Variants in MIPEP observed in about 807,000 individuals in gnomAD.
MIPEP encodes the protein mitochondrial intermediate peptidase.
A neutral mutation model predicts 90.3 loss-of-function variants in MIPEP; 79 were observed. The ratio of observed to expected loss-of-function variants is 0.87; its 90% CI spans 0.73 to 1.05. The LOEUF (loss-of-function observed/expected upper bound fraction) is 1.05, where lower values mean the gene tolerates loss of function less well. Among genes scored for constraint, MIPEP ranks in the 50% least tolerant of loss-of-function variants. MIPEP has a pLI of 0.00. For missense variants in MIPEP, 940 were observed against 905.6 expected (o/e 1.04, Z -0.49); for synonymous variants, 334 against 315.8 (o/e 1.06, Z -0.61).
intron 9 of MIPEP, among the ~76,000 whole-genome samples, chr13:23,861,038 A>G (rs1870280137): frequency 6.6e-6 from 1 of 152,084 alleles, no homozygotes; most frequent in African/African-American, 2.4e-5. Context: ...GGGCTCAAGA[A>G]TTTGCATTTC....
At chr13:23,777,304 G>T (rs1248786186) in intron 16 of MIPEP, among the ~76,000 whole-genome samples, 2 of 152,170 alleles carry the variant, frequency 1.3e-5, no homozygotes, top group Non-Finnish European at 1.5e-5. Context: ...TGTTGTTCCT[G>T]TCTTCATGAT....
At chr13:23,808,168 G>C (rs981345504) in intron 15 of MIPEP, among the ~76,000 whole-genome samples, 33 of 150,758 alleles carry the variant, frequency 2.2e-4, no homozygotes, top group African/African-American at 7.3e-4. Context: ...GCGCGATCTC[G>C]GCTCACTGCA....
chr13:23,734,235 CCCT>C (rs1952235568), intron 18 of MIPEP, among the ~76,000 whole-genome samples: 1 of 152,168 alleles, frequency 6.6e-6, no homozygotes, highest in South Asian at 2.1e-4. Flanking sequence ...AGCTTTGGCG[CCCT>C]CCTCCTCTGT....
At chr13:23,771,381 G>A (rs749841530) in intron 16 of MIPEP, among the ~76,000 whole-genome samples, 1 of 152,092 alleles carries the variant, frequency 6.6e-6, no homozygotes, top group Non-Finnish European at 1.5e-5. Flanking sequence ...AATGATAAAA[G>A]GAGCAAGAAT....
intron 16 of MIPEP, among the ~76,000 whole-genome samples, chr13:23,800,642 G>A (rs1349119652): frequency 6.6e-6 from 1 of 152,074 alleles, no homozygotes; most frequent in South Asian, 2.1e-4. Flanking sequence ...ATAAATTGCC[G>A]ACACTAGAAG....
At chr13:23,870,228 G>A in intron 5 of MIPEP, 33 bp from the exon 6 acceptor site, 3 of 1,402,442 alleles carry the variant, frequency 2.1e-6, no homozygotes, top group Non-Finnish European at 9.5e-7. Context: ...TTATTTAAAG[G>A]CGTTTTGAAT....
At chr13:23,782,529 C>T (rs112610735) in intron 16 of MIPEP, among the ~76,000 whole-genome samples, 9 of 152,274 alleles carry the variant, frequency 5.9e-5, no homozygotes, top group African/African-American at 2.2e-4. Context: ...GACACCCTAA[C>T]ATCACAATTA....
chr13:23,826,321 G>T (rs1868450081), intron 14 of MIPEP, among the ~76,000 whole-genome samples: 1 of 151,994 alleles, frequency 6.6e-6, no homozygotes, highest in Non-Finnish European at 1.5e-5. Context: ...CAATTAAAAG[G>T]TTGACTTACC....
chr13:23,730,251 CG>C lies in MIPEP; in HGVS notation c.*96del. 1 of 766,170 alleles carries C rather than the reference CG, an allele frequency of 1.3e-6. No individual in the cohort carries two copies. The highest frequency in any genetic ancestry group is 1.8e-5 in the South Asian group (1 of 56,670). The allele number at this position is 766,170 out of a possible 1,614,324, so 47.5% of individuals were successfully genotyped here. A position where few individuals can be genotyped will look rare whatever the true frequency, so the allele number is the denominator to read the frequency against. ...TTAAAGTTTTTCAGAATTACAGAAG[CG>C]AACAATGAAATCAGAAACAAGCTCT... On this transcript the variant is annotated 3_prime_UTR_variant, in exon 19 of 19. Transcript: ENST00000382172.
At chr13:23,807,485 G>A (rs1326686155) in intron 15 of MIPEP, among the ~76,000 whole-genome samples, 7 of 152,136 alleles carry the variant, frequency 4.6e-5, no homozygotes, top group Admixed American at 4.6e-4. Context: ...TCTGGCTTCT[G>A]GCTGCATCTA....
At position 23,858,570 on chromosome 13, in the gene MIPEP, T is replaced by C. The variant is rs984569993; in HGVS notation, c.1106+290A>G. On this transcript the variant is annotated intron_variant, in intron 10 of 18. Coordinates refer to ENST00000382172, the MANE Select transcript of MIPEP (RefSeq NM_005932.4). The stretch of plus-strand genomic sequence containing the variant: ...GTAAACACATGCTGAGCCCCTACTC[T>C]GGGCCAGCAATGGGATACAACAAGG... Among the ~76,000 whole-genome samples the C allele has an allele frequency of 2.6e-5, 4 of 151,522 alleles. No individual in the cohort carries two copies. The East Asian group carries it at 7.8e-4, about 29-fold the overall frequency.
intron 16 of MIPEP, among the ~76,000 whole-genome samples, chr13:23,801,839 T>G (rs1953046014): frequency 6.6e-6 from 1 of 152,224 alleles, no homozygotes; most frequent in Admixed American, 6.5e-5. Flanking sequence ...ATCACTTGGG[T>G]TCTTCCCGGA....
At chr13:23,874,177 G>A (rs1036908047) in intron 5 of MIPEP, among the ~76,000 whole-genome samples, 2 of 152,206 alleles carry the variant, frequency 1.3e-5, no homozygotes, top group African/African-American at 4.8e-5. Flanking sequence ...GGGGGAGACT[G>A]TGGGGCAGGC....
intron 16 of MIPEP, chr13:23,760,499 GA>G (rs750246848): frequency 3.3e-6 from 2 of 608,384 alleles, no homozygotes; most frequent in Admixed American, 1.9e-5. Flanking sequence ...AAGTAAAAGT[GA>G]AGCTCTTAGA....
intron 18 of MIPEP, among the ~76,000 whole-genome samples, chr13:23,751,924 T>TAA (rs5802250): frequency 5.4e-4 from 79 of 146,870 alleles, no homozygotes; most frequent in Middle Eastern, 3.5e-3. Context: ...GTTGCGACAT[T>TAA]AAAAAAAAAA....
intron 14 of MIPEP, among the ~76,000 whole-genome samples, chr13:23,823,212 GTGTGAGT>G (rs1953329932): frequency 6.6e-6 from 1 of 152,132 alleles, no homozygotes; most frequent in African/African-American, 2.4e-5. Context: ...GAAGGCTTGG[GTGTGAGT>G]TAGGCATCCT....
At chr13:23,830,343 A>G (rs190316059) in intron 14 of MIPEP, among the ~76,000 whole-genome samples, 1 of 152,358 alleles carries the variant, frequency 6.6e-6, no homozygotes, top group African/African-American at 2.4e-5. Context: ...CCATTTTTGT[A>G]AAGTTCAAAA....
At chr13:23,741,324 A>G (rs1242538662) in intron 18 of MIPEP, among the ~76,000 whole-genome samples, 1 of 152,078 alleles carries the variant, frequency 6.6e-6, no homozygotes. Context: ...ACTGGTTAAT[A>G]TACACAAAAG....
chr13:23,757,757 A>G (rs1196719145), intron 17 of MIPEP, among the ~76,000 whole-genome samples: 3 of 152,166 alleles, frequency 2.0e-5, no homozygotes, highest in African/African-American at 7.2e-5. Flanking sequence ...GGAGTTCCAC[A>G]AGGAACGCTG....
Sources: gnomAD v4.1 joint callset for allele counts (sites outside exome capture counted in the v4.1 genomes callset) on GRCh38, gnomAD v4.1.1 for gene constraint, MANE v1.5 for transcripts, NCBI Gene and HGNC (gene_info 2026-07-23, HGNC 2026-07-21) for gene names.